The following NRG1 variants were observed in gnomAD, a reference collection of about 807,000 sequenced individuals.
NRG1 encodes the protein neuregulin 1.
Under a neutral mutation model 63.8 loss-of-function variants are expected in NRG1, and 18 were observed. The ratio of observed to expected loss-of-function variants is 0.28; its 90% CI spans 0.19 to 0.42. NRG1 has a LOEUF of 0.42. NRG1 is among the 10% of genes least tolerant of loss of function. NRG1 has a pLI of 1.00. For synonymous variants in NRG1, 302 were observed against 301.3 expected (o/e 1.00, Z -0.02); for missense variants, 762 against 814.7 (o/e 0.94, Z 0.79).
chr8:32,580,143 T>C (rs1381280595), intron 1 of NRG1, among the ~76,000 whole-genome samples: 1 of 152,170 alleles, frequency 6.6e-6, no homozygotes, highest in African/African-American at 2.4e-5. Context: ...CTGCAGGGGA[T>C]CCTGGAGCCA....
chr8:32,566,742 A>G (rs1588359074), intron 1 of NRG1, among the ~76,000 whole-genome samples: 2 of 152,362 alleles, frequency 1.3e-5, no homozygotes, highest in South Asian at 2.1e-4. Context: ...AAGAGGAATC[A>G]TTAGTCATTA....
At chr8:31,798,796 A>T (rs1186937090) in intron 1 of NRG1, among the ~76,000 whole-genome samples, 1 of 152,146 alleles carries the variant, frequency 6.6e-6, no homozygotes, top group African/African-American at 2.4e-5. Flanking sequence ...CCAGACACAG[A>T]TGGCTCTGAC....
At chr8:32,350,457 A>G (rs1330389435) in intron 1 of NRG1, among the ~76,000 whole-genome samples, 1 of 152,190 alleles carries the variant, frequency 6.6e-6, no homozygotes, top group East Asian at 1.9e-4. Context: ...TACAACTAAC[A>G]AAGTCCCATT....
intron 1 of NRG1, among the ~76,000 whole-genome samples, chr8:32,412,416 C>CA (rs1815105556): frequency 1.4e-5 from 1 of 69,448 alleles, no homozygotes. Flanking sequence ...CTCTCTCTCT[C>CA]TCTCTACATA....
At chr8:31,657,832 C>A (rs1805580001) in intron 1 of NRG1, among the ~76,000 whole-genome samples, 1 of 152,142 alleles carries the variant, frequency 6.6e-6, no homozygotes, top group Non-Finnish European at 1.5e-5. Context: ...TGCTGGGAGG[C>A]AGAACCTTTA....
chr8:32,186,241 G>C (rs966232771), intron 1 of NRG1, among the ~76,000 whole-genome samples: 1 of 152,060 alleles, frequency 6.6e-6, no homozygotes, highest in Non-Finnish European at 1.5e-5. Flanking sequence ...GAGGTGGGTG[G>C]TAATGAGGTC....
chr8:32,023,302 G>A (rs144287235), intron 1 of NRG1, among the ~76,000 whole-genome samples: 143 of 152,274 alleles, frequency 9.4e-4, no homozygotes, highest in South Asian at 4.8e-3. Context: ...AAGACATTGA[G>A]TTTCGAAGTT....
chr8:32,722,192 G>A, intron 5 of NRG1: 1 of 685,044 alleles, frequency 1.5e-6, no homozygotes, highest in Non-Finnish European at 2.5e-6. Flanking sequence ...TAAAAGCTGT[G>A]GGTGAGGACT....
chr8:32,154,995 G>A (rs966834127), intron 1 of NRG1, among the ~76,000 whole-genome samples: 24 of 152,104 alleles, frequency 1.6e-4, no homozygotes, highest in African/African-American at 2.4e-4. Context: ...GCTGCATATC[G>A]ACTTGCCAAA....
intron 1 of NRG1, among the ~76,000 whole-genome samples, chr8:32,584,539 G>A (rs946606833): frequency 1.3e-5 from 2 of 152,112 alleles, no homozygotes; most frequent in Non-Finnish European, 2.9e-5. Flanking sequence ...GAGTAAAGAA[G>A]GCTTTCAATC....
intron 1 of NRG1, among the ~76,000 whole-genome samples, chr8:32,340,741 C>G (rs1803969544): frequency 6.6e-6 from 1 of 152,180 alleles, no homozygotes; most frequent in African/African-American, 2.4e-5. Flanking sequence ...CATGCCTGAG[C>G]TGGGATTCTA....
chr8:32,734,847 T>A (rs17731774), intron 6 of NRG1, among the ~76,000 whole-genome samples: 1 of 152,122 alleles, frequency 6.6e-6, no homozygotes, highest in Non-Finnish European at 1.5e-5. Flanking sequence ...AAAAATCAGT[T>A]GAGCAGCCAT....
chr8:31,995,807 C>T (rs1002370651), intron 1 of NRG1, among the ~76,000 whole-genome samples: 4 of 151,922 alleles, frequency 2.6e-5, no homozygotes, highest in Non-Finnish European at 5.9e-5. Context: ...ATTGCAATTG[C>T]GTAGTAGTAC....
At chr8:32,013,977 A>G (rs1457467448) in intron 1 of NRG1, among the ~76,000 whole-genome samples, 2 of 152,148 alleles carry the variant, frequency 1.3e-5, no homozygotes, top group African/African-American at 4.8e-5. Flanking sequence ...GATGACAACT[A>G]TTACAGCTGT....
intron 1 of NRG1, among the ~76,000 whole-genome samples, chr8:31,703,442 AT>A (rs1172903069): frequency 6.6e-6 from 1 of 152,174 alleles, no homozygotes; most frequent in Non-Finnish European, 1.5e-5. Context: ...AACTAAATTT[AT>A]CAAGGAAATA....
At chr8:31,804,392 G>T in intron 1 of NRG1, among the ~76,000 whole-genome samples, 1 of 152,048 alleles carries the variant, frequency 6.6e-6, no homozygotes, top group East Asian at 1.9e-4. Flanking sequence ...TTGATACCCC[G>T]AATGGATAGG....
intron 5 of NRG1, among the ~76,000 whole-genome samples, chr8:32,672,423 T>C (rs1805932986): frequency 6.6e-6 from 1 of 152,192 alleles, no homozygotes; most frequent in South Asian, 2.1e-4. Flanking sequence ...TCGGTATTCT[T>C]TCATTATGAG....
chr8:32,500,584 C>G (rs1050195253), intron 1 of NRG1, among the ~76,000 whole-genome samples: 5 of 152,210 alleles, frequency 3.3e-5, no homozygotes, highest in Non-Finnish European at 7.3e-5. Flanking sequence ...CAATTGTGTT[C>G]TGTTCCAAGG....
chr8:31,976,340 TG>T (rs1383733305), intron 1 of NRG1, among the ~76,000 whole-genome samples: 1 of 152,154 alleles, frequency 6.6e-6, no homozygotes, highest in African/African-American at 2.4e-5. Context: ...CCTTCATCTT[TG>T]TAGGTTTCTG....
Sources: allele counts gnomAD v4.1 joint callset (sites outside exome capture counted in the v4.1 genomes callset), GRCh38; gene constraint gnomAD v4.1.1; transcripts MANE v1.5; gene names NCBI Gene and HGNC (gene_info 2026-07-23, HGNC 2026-07-21).